IL15: variants seen among roughly 807,000 people sequenced by gnomAD.
The protein encoded by IL15 is interleukin-15.
IL15 carries 11 observed loss-of-function variants against 19.6 expected under a neutral mutation model. That is an observed-to-expected ratio of 0.56 (90% CI 0.35 to 0.93). IL15 has a LOEUF of 0.93. Among genes scored for constraint, IL15 ranks in the 40% least tolerant of loss-of-function variants. The pLI, the probability that IL15 is intolerant of heterozygous loss-of-function variation, is 0.01. For synonymous variants in IL15, 58 were observed against 59.6 expected (o/e 0.97, Z 0.12); for missense variants, 197 against 186.5 (o/e 1.06, Z -0.33).
At chr4:141,652,847 A>G (rs1727456362) in intron 1 of IL15, among the ~76,000 whole-genome samples, 4 of 152,262 alleles carry the variant, frequency 2.6e-5, no homozygotes, top group South Asian at 2.1e-4. Context: ...CTTTGCTTCT[A>G]TAAGGGATTG....
chr4:141,637,487 T>G (rs753701785), intron 1 of IL15, among the ~76,000 whole-genome samples: 1 of 151,996 alleles, frequency 6.6e-6, no homozygotes, highest in Non-Finnish European at 1.5e-5. Flanking sequence ...CGAAGGAACT[T>G]GGAAAAAATA....
chr4:141,697,468 G>T (rs1044677767), intron 2 of IL15, among the ~76,000 whole-genome samples: 1 of 151,928 alleles, frequency 6.6e-6, no homozygotes, highest in African/African-American at 2.4e-5. Flanking sequence ...TGTTCTTTTT[G>T]CTTAGTCTTG....
intron 1 of IL15, among the ~76,000 whole-genome samples, chr4:141,641,954 A>C (rs1374473084): frequency 6.6e-6 from 1 of 151,936 alleles, no homozygotes; most frequent in Non-Finnish European, 1.5e-5. Flanking sequence ...TTTTTGTTGA[A>C]AAGTGTGAAT....
At chr4:141,720,995 T>C in intron 4 of IL15, 6 of 598,106 alleles carry the variant, frequency 1.0e-5, no homozygotes, top group Non-Finnish European at 1.7e-5. Context: ...TTAAGCCTTT[T>C]GTTGTTTCCT....
At chr4:141,697,359 AT>A (rs1434303297) in intron 2 of IL15, among the ~76,000 whole-genome samples, 2 of 152,004 alleles carry the variant, frequency 1.3e-5, no homozygotes, top group African/African-American at 2.4e-5. Context: ...AGTCTGTTCC[AT>A]TGGTCTACAT....
intron 2 of IL15, among the ~76,000 whole-genome samples, chr4:141,698,248 A>G (rs1452942921): frequency 1.3e-5 from 2 of 152,014 alleles, no homozygotes; most frequent in African/African-American, 4.8e-5. Context: ...CTAGTATTTT[A>G]TGAAGGATTT....
chr4:141,721,233 C>A, intron 4 of IL15: 1 of 763,724 alleles, frequency 1.3e-6, no homozygotes, highest in South Asian at 1.4e-5. Flanking sequence ...TGTGTAAGAT[C>A]CATCAGGAAG....
chr4:141,641,344 C>G (rs180672521), intron 1 of IL15, among the ~76,000 whole-genome samples: 39 of 152,046 alleles, frequency 2.6e-4, no homozygotes, highest in Non-Finnish European at 5.3e-4. Flanking sequence ...AAGCATAAAA[C>G]TAAAACATAT....
chr4:141,694,838 C>T (rs1177623960), intron 2 of IL15, among the ~76,000 whole-genome samples: 1 of 152,210 alleles, frequency 6.6e-6, no homozygotes, highest in East Asian at 1.9e-4. Flanking sequence ...TTTCACCCAT[C>T]TTAATAGATG....
intron 2 of IL15, among the ~76,000 whole-genome samples, chr4:141,706,754 C>T (rs1729529871): frequency 6.6e-6 from 1 of 151,488 alleles, no homozygotes; most frequent in Non-Finnish European, 1.5e-5. Flanking sequence ...ATGCCATTCT[C>T]TCCTAGTCTG....
At chr4:141,640,059 A>G (rs1005778276) in intron 1 of IL15, among the ~76,000 whole-genome samples, 8 of 152,222 alleles carry the variant, frequency 5.3e-5, no homozygotes, top group African/African-American at 1.7e-4. Context: ...CTGTGGGCAG[A>G]CAAGGTTTAC....
chr4:141,699,286 G>A (rs1272838139), intron 2 of IL15, among the ~76,000 whole-genome samples: 1 of 152,136 alleles, frequency 6.6e-6, no homozygotes, highest in Non-Finnish European at 1.5e-5. Context: ...GTGCTGATGA[G>A]AAGAATGTAT....
At chr4:141,720,762 G>T (rs1210476906) in intron 4 of IL15, 196 bp downstream of exon 4, 3 of 595,930 alleles carry the variant, frequency 5.0e-6, no homozygotes, top group Non-Finnish European at 8.8e-6. Flanking sequence ...CTACATTGTG[G>T]TAATAGTCCA....
intron 2 of IL15, among the ~76,000 whole-genome samples, chr4:141,699,643 G>A (rs1017341999): frequency 2.0e-5 from 3 of 152,054 alleles, no homozygotes; most frequent in Non-Finnish European, 4.4e-5. Context: ...TGTAAAAATA[G>A]CTACTCTTGT....
At chr4:141,646,786 T>C (rs1727240878) in intron 1 of IL15, among the ~76,000 whole-genome samples, 1 of 152,128 alleles carries the variant, frequency 6.6e-6, no homozygotes, top group Admixed American at 6.6e-5. Context: ...TAAGGGACTA[T>C]GGACTTGTAT....
chr4:141,654,063 A>T (rs1338122550), intron 1 of IL15, among the ~76,000 whole-genome samples: 1 of 152,252 alleles, frequency 6.6e-6, no homozygotes, highest in African/African-American at 2.4e-5. Flanking sequence ...CTTGGGAAGC[A>T]GACTGAGATG....
intron 1 of IL15, among the ~76,000 whole-genome samples, chr4:141,640,241 C>G (rs552484351): frequency 3.3e-5 from 5 of 152,030 alleles, no homozygotes; most frequent in African/African-American, 1.2e-4. Flanking sequence ...AGCCACCATA[C>G]TGGCACTTCA....
At chr4:141,652,360 A>G (rs1459861994) in intron 1 of IL15, among the ~76,000 whole-genome samples, 3 of 152,118 alleles carry the variant, frequency 2.0e-5, no homozygotes, top group East Asian at 3.9e-4. Flanking sequence ...CTGCTGTCCA[A>G]TCTAGGGAGA....
chr4:141,661,719 T>A (rs1305370430), intron 2 of IL15, among the ~76,000 whole-genome samples: 3 of 152,212 alleles, frequency 2.0e-5, no homozygotes, highest in Non-Finnish European at 4.4e-5. Flanking sequence ...ACAGTTTGTG[T>A]ACCGCTGTGC....
Sources: gnomAD v4.1 joint callset for allele counts (sites outside exome capture counted in the v4.1 genomes callset) on GRCh38, gnomAD v4.1.1 for gene constraint, MANE v1.5 for transcripts, NCBI Gene and HGNC (gene_info 2026-07-23, HGNC 2026-07-21) for gene names.